PTPRK: variants seen among roughly 807,000 people sequenced by gnomAD.
The protein encoded by PTPRK is protein tyrosine phosphatase receptor type K.
PTPRK carries 75 observed loss-of-function variants against 178.0 expected under a neutral mutation model. The ratio of observed to expected loss-of-function variants is 0.42; its 90% CI spans 0.35 to 0.51. The LOEUF is 0.51. Ranked by LOEUF, PTPRK falls within the 20% of genes least tolerant of loss-of-function variation. PTPRK has a pLI of 0.02. For synonymous variants in PTPRK, 637 were observed against 620.6 expected (o/e 1.03, Z -0.39); for missense variants, 1,441 against 1,797.8 (o/e 0.80, Z 3.59).
At chr6:128,057,355 C>T (rs560498028) in intron 13 of PTPRK, among the ~76,000 whole-genome samples, 2 of 152,250 alleles carry the variant, frequency 1.3e-5, no homozygotes, top group South Asian at 2.1e-4. Context: ...TCCGGGAACT[C>T]GGATTTGGGA....
intron 13 of PTPRK, among the ~76,000 whole-genome samples, chr6:128,017,473 A>G (rs528387447): frequency 3.3e-5 from 5 of 151,800 alleles, no homozygotes; most frequent in African/African-American, 9.7e-5. Flanking sequence ...TAAATTGATC[A>G]TGCTTTCATC....
At chr6:128,250,351 GT>G (rs1816269493) in intron 3 of PTPRK, among the ~76,000 whole-genome samples, 1 of 152,148 alleles carries the variant, frequency 6.6e-6, no homozygotes, top group African/African-American at 2.4e-5. Context: ...TTAACTCTAA[GT>G]AAACATTTGA....
intron 3 of PTPRK, among the ~76,000 whole-genome samples, chr6:128,252,679 C>G (rs894657164): frequency 6.6e-6 from 1 of 152,144 alleles, no homozygotes; most frequent in Non-Finnish European, 1.5e-5. Context: ...GAGACACACA[C>G]AAGCACACCC....
At chr6:128,180,145 C>A (rs1056437930) in intron 7 of PTPRK, among the ~76,000 whole-genome samples, 1 of 151,936 alleles carries the variant, frequency 6.6e-6, no homozygotes, top group Non-Finnish European at 1.5e-5. Flanking sequence ...AAGCAGAAGG[C>A]AATTTAAAAG....
At chr6:128,099,914 G>A (rs1373334606) in intron 7 of PTPRK, among the ~76,000 whole-genome samples, 1 of 151,978 alleles carries the variant, frequency 6.6e-6, no homozygotes, top group African/African-American at 2.4e-5. Context: ...GTACAGCTTA[G>A]CTGCAGAAAT....
At chr6:128,491,134 C>T (rs943827335) in intron 1 of PTPRK, among the ~76,000 whole-genome samples, 2 of 152,190 alleles carry the variant, frequency 1.3e-5, no homozygotes, top group Non-Finnish European at 2.9e-5. Context: ...TATACAAGTG[C>T]CTGGCTCATG....
chr6:128,352,050 T>G lies in PTPRK; in HGVS notation c.224-29740A>C, dbSNP rs1025589433. On this transcript the variant is annotated intron_variant, in intron 2 of 29. Transcript: ENST00000368226. ...GGCAGGTGGATCACGAGGTCAGGAG[T>G]TCGAGACCAGCCTGGCCAACATGGT... Among the ~76,000 whole-genome samples, 7 of 151,152 alleles carry G rather than the reference T, an allele frequency of 4.6e-5. No homozygotes were observed. In the East Asian group the frequency reaches 1.2e-3, roughly 25 times the overall value.
chr6:128,322,685 T>TATATATATATATATATATATATATAC (rs1397530546), intron 2 of PTPRK, among the ~76,000 whole-genome samples: 4 of 151,410 alleles, frequency 2.6e-5, no homozygotes, highest in African/African-American at 9.8e-5. Context: ...TATATATGTA[T>TATATATATATATATATATATATATAC]ACACACATAC....
chr6:128,225,745 T>C (rs1811187818), intron 5 of PTPRK, among the ~76,000 whole-genome samples: 1 of 152,072 alleles, frequency 6.6e-6, no homozygotes, highest in African/African-American at 2.4e-5. Context: ...GAAATTATTA[T>C]ACTTATTTCA....
intron 3 of PTPRK, among the ~76,000 whole-genome samples, chr6:128,256,366 C>A (rs772135841): frequency 6.6e-6 from 1 of 152,198 alleles, no homozygotes; most frequent in Middle Eastern, 3.4e-3. Flanking sequence ...CAGAGCCACA[C>A]CTTTTAGAAG....
intron 13 of PTPRK, among the ~76,000 whole-genome samples, chr6:128,050,516 A>G (rs759171933): frequency 3.3e-5 from 5 of 152,224 alleles, no homozygotes; most frequent in East Asian, 1.9e-4. Context: ...TGCAATGAAC[A>G]TAACTCCCAG....
intron 1 of PTPRK, among the ~76,000 whole-genome samples, chr6:128,480,573 C>T (rs1851951859): frequency 6.6e-6 from 1 of 152,318 alleles, no homozygotes; most frequent in Admixed American, 6.5e-5. Context: ...AGCTCATCCA[C>T]ACACCTTCAG....
At chr6:128,346,397 G>C (rs1252426175) in intron 2 of PTPRK, among the ~76,000 whole-genome samples, 1 of 151,710 alleles carries the variant, frequency 6.6e-6, no homozygotes, top group Non-Finnish European at 1.5e-5. Context: ...AAAAGTTGAA[G>C]TTTTCTATGG....
At chr6:128,285,667 TG>T (rs1332791971) in intron 3 of PTPRK, among the ~76,000 whole-genome samples, 2 of 151,900 alleles carry the variant, frequency 1.3e-5, no homozygotes, top group East Asian at 3.9e-4. Context: ...TAGCTGAGCA[TG>T]GTGGCGTGTG....
At chr6:128,039,325 G>A (rs1264231457) in intron 13 of PTPRK, among the ~76,000 whole-genome samples, 1 of 151,970 alleles carries the variant, frequency 6.6e-6, no homozygotes, top group Non-Finnish European at 1.5e-5. Context: ...CACTATTTTA[G>A]GATAACAATT....
chr6:128,282,808 T>G (rs540417130), intron 3 of PTPRK, among the ~76,000 whole-genome samples: 6 of 152,270 alleles, frequency 3.9e-5, no homozygotes, highest in African/African-American at 1.4e-4. Flanking sequence ...TGAGCTTTTT[T>G]GCAAAAACAG....
At chr6:128,143,824 T>C (rs973646322) in intron 7 of PTPRK, among the ~76,000 whole-genome samples, 17 of 152,172 alleles carry the variant, frequency 1.1e-4, no homozygotes, top group Non-Finnish European at 2.5e-4. Flanking sequence ...AAATCTGAGT[T>C]AAATTTTATC....
chr6:128,144,851 C>A (rs1796253348), intron 7 of PTPRK, among the ~76,000 whole-genome samples: 2 of 152,024 alleles, frequency 1.3e-5, no homozygotes, highest in African/African-American at 2.4e-5. Flanking sequence ...TGGAGAACTG[C>A]AAAAGGTTTC....
chr6:128,181,638 T>C (rs549460208), intron 7 of PTPRK, among the ~76,000 whole-genome samples: 21 of 152,078 alleles, frequency 1.4e-4, no homozygotes, highest in Non-Finnish European at 2.8e-4. Flanking sequence ...GTTTTTGCAA[T>C]CTGTACTAAA....
Sources: gnomAD v4.1 joint callset for allele counts (sites outside exome capture counted in the v4.1 genomes callset) on GRCh38, gnomAD v4.1.1 for gene constraint, MANE v1.5 for transcripts, NCBI Gene and HGNC (gene_info 2026-07-23, HGNC 2026-07-21) for gene names.